The following GPBP1L1 variants were observed in gnomAD, a reference collection of about 807,000 sequenced individuals.
The protein encoded by GPBP1L1 is vasculin-like protein 1.
A neutral mutation model predicts 52.5 loss-of-function variants in GPBP1L1; 23 were observed. That is an observed-to-expected ratio of 0.44 (90% confidence interval 0.32 to 0.62). The LOEUF (loss-of-function observed/expected upper bound fraction) is 0.62, where lower values mean the gene tolerates loss of function less well. GPBP1L1 is among the 20% of genes least tolerant of loss of function. The pLI, the probability that GPBP1L1 is intolerant of heterozygous loss-of-function variation, is 0.06. For synonymous variants in GPBP1L1, 243 were observed against 203.1 expected (o/e 1.20, Z -1.67); for missense variants, 596 against 579.3 (o/e 1.03, Z -0.30).
intron 2 of GPBP1L1, among the ~76,000 whole-genome samples, chr1:45,670,593 A>T (rs1645062104): frequency 1.3e-5 from 2 of 152,030 alleles, no homozygotes; most frequent in Admixed American, 1.3e-4. Context: ...GTTGGAAATG[A>T]TTTGTATACG....
chr1:45,677,659 A>G (rs972279553), intron 2 of GPBP1L1, among the ~76,000 whole-genome samples: 1 of 152,252 alleles, frequency 6.6e-6, no homozygotes, highest in African/African-American at 2.4e-5. Context: ...AAATTCAACG[A>G]CAACAATGGG....
intron 2 of GPBP1L1, among the ~76,000 whole-genome samples, chr1:45,665,567 C>G (rs1644999859): frequency 1.3e-5 from 2 of 151,670 alleles, no homozygotes; most frequent in South Asian, 4.2e-4. Flanking sequence ...ATGGTGAAAC[C>G]CTGTCTCTGC....
chr1:45,634,343 C>A, intron 8 of GPBP1L1, 107 bp from the exon 9 acceptor site: 2 of 1,122,728 alleles, frequency 1.8e-6, no homozygotes, highest in East Asian at 2.5e-5. Context: ...ACATAAGTTT[C>A]CAGGGCTTAC....
chr1:45,684,678 C>A (rs1201307260), intron 2 of GPBP1L1, among the ~76,000 whole-genome samples: 1 of 151,778 alleles, frequency 6.6e-6, no homozygotes, highest in Non-Finnish European at 1.5e-5. Context: ...CCACTGAGTA[C>A]CCCCCCAAAA....
At chr1:45,666,738 A>T (rs1168915533) in intron 2 of GPBP1L1, among the ~76,000 whole-genome samples, 2 of 152,204 alleles carry the variant, frequency 1.3e-5, no homozygotes, top group African/African-American at 4.8e-5. Flanking sequence ...TGTCCACACA[A>T]CACTTGTACA....
intron 6 of GPBP1L1, among the ~76,000 whole-genome samples, chr1:45,653,118 G>C (rs569107661): frequency 6.6e-6 from 1 of 152,280 alleles, no homozygotes; most frequent in East Asian, 1.9e-4. Flanking sequence ...TTTACAGCAA[G>C]GACCCCAGGT....
chr1:45,637,753 T>C (rs529123507), intron 8 of GPBP1L1, among the ~76,000 whole-genome samples: 12 of 152,300 alleles, frequency 7.9e-5, no homozygotes, highest in Admixed American at 5.9e-4. Context: ...AGAAAGTCTT[T>C]ATAAACTCTC....
chr1:45,675,271 T>C lies in GPBP1L1; in HGVS notation c.-1098+10305A>G, dbSNP rs867751459. Among the ~76,000 whole-genome samples, 49 of 151,824 alleles carry C rather than the reference T, an allele frequency of 3.2e-4. 1 individual carries two copies. In the Middle Eastern group the frequency reaches 0.034, roughly 105 times the overall value. ...GAGATCGAGCCACTGCACTCCAGCC[T>C]GGCAACAGAGCGAGACTCTGTCTCA... On this transcript the variant is annotated intron_variant, in intron 2 of 12. Transcript: ENST00000355105.
Position 45,652,707 on chromosome 1 carries a change from C to T in GPBP1L1, c.477+1836G>A, listed in dbSNP as rs1644833335. Among the ~76,000 whole-genome samples, 7 of 147,450 alleles carry T rather than the reference C, an allele frequency of 4.7e-5. 1 individual carries two copies. The South Asian group carries it at 1.1e-3, about 23-fold the overall frequency. On this transcript the variant is annotated intron_variant, in intron 6 of 12. Transcript: ENST00000355105. The stretch of plus-strand genomic sequence containing the variant: ...AAAGTTGTTTTTTAATAAGAATATA[C>T]TGTGATTGCTGCATTTTTTTTTTTT...
intron 6 of GPBP1L1, among the ~76,000 whole-genome samples, chr1:45,648,527 T>G (rs539707860): frequency 6.6e-6 from 1 of 152,356 alleles, no homozygotes; most frequent in East Asian, 1.9e-4. Context: ...GCATTCTTTA[T>G]GCTGTCAGGT....
intron 2 of GPBP1L1, among the ~76,000 whole-genome samples, chr1:45,676,113 A>T (rs961709258): frequency 2.6e-5 from 4 of 152,150 alleles, no homozygotes; most frequent in African/African-American, 9.7e-5. Context: ...TGCTTCTTTT[A>T]TTTCTAATTC....
At chr1:45,646,225 G>C (rs1644744133) in intron 6 of GPBP1L1, 1 of 265,890 alleles carries the variant, frequency 3.8e-6, no homozygotes, top group Admixed American at 5.2e-5. Flanking sequence ...ATGCCGGAAA[G>C]AGCAATATTC....
chr1:45,669,336 G>A lies in GPBP1L1; in HGVS notation c.-1097-8111C>T, dbSNP rs574751944. Among the ~76,000 whole-genome samples, 5 of 152,334 alleles carry A rather than the reference G, an allele frequency of 3.3e-5. No homozygotes were observed. In the South Asian group the frequency reaches 6.2e-4, roughly 19 times the overall value. ...GCATGCCACCAACAGTGGTGCTAGA[G>A]ATGGAGGTCTCACTATGTTGCTCAG... On this transcript the variant is annotated intron_variant, in intron 2 of 12. Transcript: ENST00000355105.
intron 2 of GPBP1L1, among the ~76,000 whole-genome samples, chr1:45,679,681 C>T (rs1426635495): frequency 6.6e-6 from 1 of 152,102 alleles, no homozygotes; most frequent in Admixed American, 6.5e-5. Flanking sequence ...ACACAGGAAT[C>T]CTGCCAGTCT....
At chr1:45,642,310 A>G (rs1352904814) in intron 7 of GPBP1L1, 117 bp downstream of exon 7, 50 of 740,284 alleles carry the variant, frequency 6.8e-5, no homozygotes, top group Non-Finnish European at 7.8e-5. Flanking sequence ...GTTAGTTACC[A>G]TGGGCAAATG....
intron 6 of GPBP1L1, chr1:45,645,943 C>A (rs879194715): frequency 4.0e-6 from 2 of 495,430 alleles, no homozygotes; most frequent in Non-Finnish European, 7.9e-6. Flanking sequence ...ATTGTTCTGC[C>A]GTTTTTCTAG....
chr1:45,660,081 C>A, intron 3 of GPBP1L1, 103 bp downstream of exon 3: 1 of 669,874 alleles, frequency 1.5e-6, no homozygotes, highest in Non-Finnish European at 1.8e-6. Context: ...AACCACCCCA[C>A]TGATATTCTC....
At chr1:45,678,638 C>G (rs1282874198) in intron 2 of GPBP1L1, among the ~76,000 whole-genome samples, 10 of 152,164 alleles carry the variant, frequency 6.6e-5, no homozygotes, top group African/African-American at 2.4e-4. Context: ...TACCAAACCA[C>G]TCCAGGTTAA....
intron 2 of GPBP1L1, among the ~76,000 whole-genome samples, chr1:45,673,451 A>C (rs1188435345): frequency 6.6e-6 from 1 of 152,202 alleles, no homozygotes; most frequent in Non-Finnish European, 1.5e-5. Context: ...TGCTCTTCTC[A>C]CTGACCCATA....
Sources: gnomAD v4.1 joint callset for allele counts (sites outside exome capture counted in the v4.1 genomes callset) on GRCh38, gnomAD v4.1.1 for gene constraint, MANE v1.5 for transcripts, NCBI Gene and HGNC (gene_info 2026-07-23, HGNC 2026-07-21) for gene names.